ABCA2: variants seen among roughly 807,000 people sequenced by gnomAD.
ABCA2 encodes the protein ATP binding cassette subfamily A member 2.
Under a neutral mutation model 262.8 loss-of-function variants are expected in ABCA2, and 84 were observed. That is an observed-to-expected ratio of 0.32 (90% CI 0.27 to 0.38). ABCA2 has a LOEUF of 0.38. Among genes scored for constraint, ABCA2 ranks in the 10% least tolerant of loss-of-function variants. The pLI, the probability that ABCA2 is intolerant of heterozygous loss-of-function variation, is 1.00. For missense variants in ABCA2, 2,662 were observed against 3,405.9 expected (o/e 0.78, Z 5.44); for synonymous variants, 1,696 against 1,502.9 (o/e 1.13, Z -2.97).
rs747553479 is a variant in ABCA2, at chr9:137,017,077, C to T, written c.2601G>A (p.Ala867=). Residue 867 remains alanine, a synonymous_variant, in exon 19 of 49, where the codon GCG becomes GCA. Transcript: ENST00000341511. ...TGCCCACGCCGGCCACCTCATACAG[C>T]GCGAAGTACTTAGAGCCCAGACCAA... ...TAFGLGSKYF[A]LYEVAGVGIQ... is the part of the protein sequence containing the mutation. 69 of 1,612,632 alleles carry T rather than the reference C, an allele frequency of 4.3e-5. No individual in the cohort carries two copies. Among genetic ancestry groups the T allele is most frequent in the South Asian group, 1.5e-4 (14 of 91,088 alleles).
Position 137,015,750 on chromosome 9 carries a change from G to C in ABCA2, c.3439C>G (p.Leu1147Val). The C allele has an allele frequency of 3.7e-6, 6 of 1,612,340 alleles. No individual in the cohort carries two copies. Among genetic ancestry groups the C allele is most frequent in the Non-Finnish European group, 5.1e-6 (6 of 1,179,820 alleles). The change falls in exon 23 of 49, where the codon CTG becomes GTG. Residue 1147 changes from leucine (L) to valine (V), a missense_variant. Physicochemically the swap from Leu to Val is conservative, Grantham distance 32. Coordinates refer to ENST00000341511, the MANE Select transcript of ABCA2 (RefSeq NM_001606.5). ...AFVGGSRAIILDEPTAGVDPY... is the reference protein window; with the variant it reads ...AFVGGSRAIIVDEPTAGVDPY... ...TCCACGCCCGCCGTGGGCTCGTCCA[G>C]GATGATGGCGCGAGAGCCGCCCACG...
At position 137,021,861 on chromosome 9, in the gene ABCA2, C is replaced by T; in HGVS notation, c.678+30G>A. On this transcript the variant is annotated intron_variant, in intron 7 of 48. Transcript: ENST00000341511. The surrounding 1 kb of genome is among the most constrained non-coding windows in gnomAD (Gnocchi z 6.0). Reference sequence around the variant, plus strand: ...GCACCCCCAGAGGCAGGCAGCACTCCAGGCCCATCCCACACATGGATGCCC... The same window carrying T: ...GCACCCCCAGAGGCAGGCAGCACTCTAGGCCCATCCCACACATGGATGCCC... The T allele has an allele frequency of 6.4e-7, 1 of 1,552,832 alleles. No individual in the cohort carries two copies. The highest frequency in any genetic ancestry group is 1.2e-5 in the South Asian group (1 of 85,470).
At position 137,021,548 on chromosome 9, in the gene ABCA2, C is replaced by A. The variant is rs1223751651; in HGVS notation, c.741G>T (p.Leu247=). Residue 247 remains leucine (L), a synonymous_variant, in exon 8 of 49, where the codon CTG becomes CTT. Transcript: ENST00000341511. The surrounding 1 kb of genome is among the most constrained non-coding windows in gnomAD (Gnocchi z 6.0). ...TCTCAGGCACAGTGAGGATCCGGCC[C>A]AGCTCCCCCGAGCCCGGCGTGCAGG... The part of the protein sequence containing the change: ...QLTCTPGSGE[L]GRILTVPESQ... 1.1e-5 allele frequency: 18 copies of A among 1,590,208 alleles called. No individual in the cohort carries two copies. The Admixed American group carries it at 3.2e-4, about 28-fold the overall frequency.
rs762969973 is a variant in ABCA2, at chr9:137,009,503, G to A, written c.6734+38C>T. The A allele has an allele frequency of 3.1e-6, 5 of 1,611,992 alleles. No individual in the cohort carries two copies. The Admixed American group carries it at 5.0e-5, about 16-fold the overall frequency. ...AGGCTGGCACCGGAAGGGGTGCTGT[G>A]GGGTGGGGGCACAAAGAGGGGGTGG... is the stretch of plus-strand genomic sequence containing the variant. On this transcript the variant is annotated intron_variant, in intron 44 of 48. Coordinates refer to ENST00000341511, the MANE Select transcript of ABCA2 (RefSeq NM_001606.5).
At position 137,019,086 on chromosome 9, in the gene ABCA2, C is replaced by A; in HGVS notation, c.1555-16G>T. ...CTGCTACATACTTGGGGTGGAGGGG[C>A]GGCTCAGAGGGGGACCTGCGCCTGC... On this transcript the variant is annotated splice_polypyrimidine_tract_variant and intron_variant, in intron 11 of 48. Transcript: ENST00000341511. This position sits in a 1 kb window ranked among gnomAD's most constrained non-coding sequence, Gnocchi z 4.4. 8 of 1,604,006 alleles carry A rather than the reference C, an allele frequency of 5.0e-6. No homozygotes were observed. The highest frequency in any genetic ancestry group is 6.8e-6 in the Non-Finnish European group (8 of 1,173,782).
chr9:137,008,161 C>T (rs1830899094), intron 48 of ABCA2, 197 bp from the exon 49 acceptor site: 2 of 818,724 alleles, frequency 2.4e-6, no homozygotes, highest in Non-Finnish European at 4.0e-6. Flanking sequence ...TACATCGGTC[C>T]CCTGTTCCCC....
rs1312643464 is a variant in ABCA2, at chr9:137,019,519, C to T, written c.1426-213G>A. ...CTCACTGCAGCCTCCACCTCCCAGGCTCAAGGGATCCTCCCGCCTCAGCCC... is the reference window on the plus strand; with the variant it reads ...CTCACTGCAGCCTCCACCTCCCAGGTTCAAGGGATCCTCCCGCCTCAGCCC... On this transcript the variant is annotated intron_variant, in intron 10 of 48. Coordinates refer to ENST00000341511, the MANE Select transcript of ABCA2 (RefSeq NM_001606.5). This position sits in a 1 kb window ranked among gnomAD's most constrained non-coding sequence, Gnocchi z 4.4. The T allele has an allele frequency of 7.4e-6, 4 of 541,360 alleles. No individual in the cohort carries two copies. The highest frequency in any genetic ancestry group is 1.3e-5 in the Non-Finnish European group (4 of 312,206). The allele number at this position is 541,360 out of a possible 1,614,324, so 33.5% of individuals were successfully genotyped here.
Position 137,009,435 on chromosome 9 carries a change from C to T in ABCA2, c.6762G>A (p.Thr2254=), listed in dbSNP as rs755352530. Reference sequence around the variant, plus strand: ...GACCGTTCACCATGATGGCCAGCCGCGTGCACAGCGCCTCGCACTCCTCCA... The same window carrying T: ...GACCGTTCACCATGATGGCCAGCCGTGTGCACAGCGCCTCGCACTCCTCCA... ...HSMEECEALC[T]RLAIMVNGRL... Residue 2254 remains threonine, a synonymous_variant, in exon 45 of 49, where the codon ACG becomes ACA. Transcript: ENST00000341511. 8.1e-6 allele frequency: 13 copies of T among 1,609,880 alleles called. No homozygotes were observed. The highest frequency in any genetic ancestry group is 1.7e-4 in the Middle Eastern group (1 of 5,924).
rs1230047931 is a variant in ABCA2 at position 137,014,250 on chromosome 9, C to T, written c.4158G>A (p.Glu1386=). The T allele has an allele frequency of 5.6e-6, 9 of 1,610,654 alleles. No homozygotes were observed. In the East Asian group the frequency reaches 2.0e-4, roughly 36 times the overall value. The part of the protein sequence containing the change: ...ASSVGSARGD[E]GAGYTDVYGD... The stretch of plus-strand genomic sequence containing the variant: ...CATAGACGTCGGTGTAGCCAGCTCC[C>T]TCGTCGCCACGGGCAGAGCCCACAG... The change falls in exon 27 of 49, where the codon GAG becomes GAA. Residue 1386 remains glutamate (E), a synonymous_variant. Coordinates refer to ENST00000341511, the MANE Select transcript of ABCA2 (RefSeq NM_001606.5).
At position 137,017,239 on chromosome 9, in the gene ABCA2, T is replaced by G. The variant is rs1467934698; in HGVS notation, c.2510A>C (p.Glu837Ala). 1.2e-6 allele frequency: 2 copies of G among 1,612,244 alleles called. No individual in the cohort carries two copies. Among genetic ancestry groups the G allele is most frequent in the Admixed American group, 3.3e-5 (2 of 59,978 alleles). The change falls in exon 18 of 49, where the codon GAG (glutamate) becomes GCG (alanine). Residue 837 changes from glutamate (E) to alanine (A), a missense_variant. Coordinates refer to ENST00000341511, the MANE Select transcript of ABCA2 (RefSeq NM_001606.5). ...GGCCGTGATCTTATCATGCGCCACC[T>G]CCTCTCGGATCGCCACGTACATGTA... is the stretch of plus-strand genomic sequence containing the variant. ...VPYMYVAIRE[E>A]VAHDKITAFE...
chr9:137,011,365 T>C lies in ABCA2; in HGVS notation c.5799+42A>G. On this transcript the variant is annotated intron_variant, in intron 37 of 48. Transcript: ENST00000341511. The surrounding 1 kb of genome is among the most constrained non-coding windows in gnomAD (Gnocchi z 8.8). ...GGTGGCCGGGGTGAGGGGCACAGCC[T>C]CCGCAGGGTCCGCCACCCCCACCAT... 6.2e-7 allele frequency: 1 copy of C among 1,605,822 alleles called. No individual in the cohort carries two copies. The highest frequency in any genetic ancestry group is 8.5e-7 in the Non-Finnish European group (1 of 1,176,170).
At position 137,022,359 on chromosome 9, in the gene ABCA2, G is replaced by T; in HGVS notation, c.559C>A (p.Pro187Thr). Residue 187 changes from proline to threonine, a missense_variant, in exon 6 of 49, where the codon CCG becomes ACG. This residue lies in a region of ABCA2 where 403 missense variants were observed against 375.9 expected (regional missense o/e 1.07). Coordinates refer to ENST00000341511, the MANE Select transcript of ABCA2 (RefSeq NM_001606.5). Reference protein sequence around the residue: ...AQALLAARVDPPEVYHLLFGP... With the variant: ...AQALLAARVDTPEVYHLLFGP... ...AGCTGTCCCTGCCTTACCTCGGGCG[G>T]GTCCACACGGGCGGCCAAGAGTGCT... The T allele has an allele frequency of 6.2e-7, 1 of 1,607,330 alleles. No homozygotes were observed. Among genetic ancestry groups the T allele is most frequent in the Non-Finnish European group, 8.5e-7 (1 of 1,177,610 alleles).
Position 137,010,015 on chromosome 9 carries a change from G to A in ABCA2, c.6463C>T (p.Leu2155=), listed in dbSNP as rs1275408966. The A allele has an allele frequency of 1.3e-6, 2 of 1,598,668 alleles. No individual in the cohort carries two copies. The highest frequency in any genetic ancestry group is 8.5e-7 in the Non-Finnish European group (1 of 1,174,168). Residue 2155 remains leucine, a synonymous_variant, in exon 42 of 49, where the codon CTG becomes TTG. Transcript: ENST00000341511. ...AREHLQLYTR[L]RGISWKDEAR... is the part of the protein sequence containing the mutation. ...TCGTCCTTCCAGGAGATCCCACGCA[G>A]CCGCGTGTACAGCTGCAGGTGCTCC...
chr9:137,022,102 TG>T (rs1159940039), intron 6 of ABCA2, 101 bp from the exon 7 acceptor site: 11 of 151,924 alleles, frequency 7.2e-5, no homozygotes, highest in East Asian at 4.7e-4. Context: ...GCTTAGATGG[TG>T]GGGGCGTGGC....
chr9:137,022,017 G>T lies in ABCA2; in HGVS notation c.568-16C>A. On this transcript the variant is annotated splice_polypyrimidine_tract_variant and intron_variant, in intron 6 of 48. Coordinates refer to ENST00000341511, the MANE Select transcript of ABCA2 (RefSeq NM_001606.5). ...GGTGGTAGACCTAGGAGGTGTGGGG[G>T]AATGGCTCAGATGGGGTGTGGGGGG... is the stretch of plus-strand genomic sequence containing the variant. 1 of 1,521,984 alleles carries T rather than the reference G, an allele frequency of 6.6e-7. No individual in the cohort carries two copies. The highest frequency in any genetic ancestry group is 8.9e-7 in the Non-Finnish European group (1 of 1,127,526). 94.3% of individuals were successfully genotyped at this position (1,521,984 alleles called of 1,614,324 possible).
rs1426869069 is a variant in ABCA2 at position 137,019,585 on chromosome 9, G to GCTGGT, written c.1426-280_1426-279insACCAG. On this transcript the variant is annotated intron_variant, in intron 10 of 48. Transcript: ENST00000341511. The surrounding 1 kb of genome is among the most constrained non-coding windows in gnomAD (Gnocchi z 4.4). Reference sequence around the variant, plus strand: ...TTACAGGTGCCCACCACCACGCCTGGCTAATTTTGTATTTTTGGTAGAGAC... The same window carrying GCTGGT: ...TTACAGGTGCCCACCACCACGCCTGGCTGGTCTAATTTTGTATTTTTGGTAGAGAC... 3.6e-5 allele frequency: 14 copies of GCTGGT among 388,092 alleles called. No individual in the cohort carries two copies. Among genetic ancestry groups the GCTGGT allele is most frequent in the African/African-American group, 2.1e-5 (1 of 47,212 alleles). The allele number at this position is 388,092 out of a possible 1,614,324, so 24.0% of individuals were successfully genotyped here.
Position 137,010,982 on chromosome 9 carries a change from CGCAGGAAGTTG to C in ABCA2, c.6036_6046del (p.Tyr2012Ter). 1 of 1,581,048 alleles carries C rather than the reference CGCAGGAAGTTG, an allele frequency of 6.3e-7. No homozygotes were observed. Among genetic ancestry groups the C allele is most frequent in the Non-Finnish European group, 8.6e-7 (1 of 1,164,910 alleles). ...CCCGCCCCCCACTCACTGTGGCCGCCGCAGGAAGTTGTACTGGCACATGATGGTCAGGAGGA... is the reference window on the plus strand; with the variant it reads ...CCCGCCCCCCACTCACTGTGGCCGCCTACTGGCACATGATGGTCAGGAGGA... On this transcript the variant is annotated stop_gained and frameshift_variant, in exon 39 of 49. Transcript: ENST00000341511. LOFTEE classifies it high-confidence loss of function.
chr9:137,026,234 G>A (rs1831649642), intron 1 of ABCA2, among the ~76,000 whole-genome samples: 1 of 152,190 alleles, frequency 6.6e-6, no homozygotes, highest in South Asian at 2.1e-4. Context: ...GGAGGAGCCT[G>A]CTAGCAGCAC....
chr9:137,012,712 C>T lies in ABCA2; in HGVS notation c.5081G>A (p.Arg1694Gln), dbSNP rs1010778970. The change falls in exon 31 of 49, where the codon CGG becomes CAG. Residue 1694 changes from arginine (R) to glutamine (Q), a missense_variant and splice_region_variant. By Grantham distance (43) the Arg-to-Gln change is conservative. This residue lies in a region of ABCA2 where 602 missense variants were observed against 897.4 expected (regional missense o/e 0.67). Transcript: ENST00000341511. ...CCCACAGCCTCCCCACCCAGCTCAC[C>T]GGTGCAGTCGGAAGCGGTCGGAGGT... ...LFTSDRFRLH[R>Q]YGAITFGNVL... 4 of 1,612,134 alleles carry T rather than the reference C, an allele frequency of 2.5e-6. No homozygotes were observed. Among genetic ancestry groups the T allele is most frequent in the African/African-American group, 1.3e-5 (1 of 74,920 alleles).
Sources: allele counts gnomAD v4.1 joint callset (sites outside exome capture counted in the v4.1 genomes callset), GRCh38; gene constraint gnomAD v4.1.1; regional missense constraint gnomAD v4.1.1; non-coding constraint Gnocchi (gnomAD v3.1); transcripts MANE v1.5; gene names NCBI Gene and HGNC (gene_info 2026-07-23, HGNC 2026-07-21).